NFIA: variants seen among roughly 807,000 people sequenced by gnomAD.
NFIA encodes the protein nuclear factor I A.
Under a neutral mutation model 62.8 loss-of-function variants are expected in NFIA, and 8 were observed. The ratio of observed to expected loss-of-function variants is 0.13; its 90% CI spans 0.07 to 0.23. The LOEUF (loss-of-function observed/expected upper bound fraction) is 0.23. NFIA is among the 10% of genes least tolerant of loss of function. The pLI, the probability that NFIA is intolerant of heterozygous loss-of-function variation, is 1.00. For synonymous variants in NFIA, 235 were observed against 238.1 expected, an observed-to-expected ratio of 0.99 and a Z score of 0.12; for missense variants, 410 against 642.1, an observed-to-expected ratio of 0.64 and a Z score of 3.91.
rs116101889 is a variant in NFIA, at chr1:61,359,565, G to T, written c.946+291G>T. ...CATTTGATTTGCTTTTGGTTTTTTT[G>T]TTTGTTTTGTTTTGTTTGTTTGTTT... On this transcript the variant is annotated intron_variant, in intron 6 of 10. Coordinates refer to ENST00000403491, the MANE Select transcript of NFIA (RefSeq NM_001134673.4). Among the ~76,000 whole-genome samples the T allele has an allele frequency of 8.6e-3, 1,311 of 151,990 alleles. 15 individuals are homozygous for T. The highest frequency in any genetic ancestry group is 0.028 in the African/African-American group (1,149 of 41,390).
chr1:61,185,949 G>A (rs1455348606), intron 2 of NFIA, among the ~76,000 whole-genome samples: 3 of 152,046 alleles, frequency 2.0e-5, no homozygotes, highest in Admixed American at 2.0e-4. Flanking sequence ...TATGATGTCA[G>A]TCCCACAAGG....
chr1:61,442,103 G>A (rs1364199321), intron 10 of NFIA, among the ~76,000 whole-genome samples: 2 of 152,124 alleles, frequency 1.3e-5, no homozygotes, highest in Non-Finnish European at 2.9e-5. Context: ...CTGGCTGCTT[G>A]CTTTGAGTCA....
chr1:61,421,368 C>G (rs925988323), intron 9 of NFIA, among the ~76,000 whole-genome samples: 9 of 152,194 alleles, frequency 5.9e-5, no homozygotes, highest in Admixed American at 3.9e-4. Flanking sequence ...AAAAATGAAT[C>G]TATTAAAATG....
In NFIA at chr1:61,455,858, T is replaced by G. The variant is rs1668281036; in HGVS notation, c.*538T>G. 1 of 154,148 alleles carries G rather than the reference T, an allele frequency of 6.5e-6. No individual in the cohort carries two copies. Among genetic ancestry groups the G allele is most frequent in the African/African-American group, 2.4e-5 (1 of 41,512 alleles). The allele number at this position is 154,148 out of a possible 1,614,324, so 9.5% of individuals were successfully genotyped here. The stretch of plus-strand genomic sequence containing the variant: ...TCTGTAACATATTGGAAAAAGAAAA[T>G]GCAGTTATATTCCTTTTTTATTTGT... On this transcript the variant is annotated 3_prime_UTR_variant, in exon 11 of 11. Transcript: ENST00000403491.
rs116897446 is a variant in NFIA, at chr1:61,422,701, G to A, written c.1421-3764G>A. On this transcript the variant is annotated intron_variant, in intron 9 of 10. Coordinates refer to ENST00000403491, the MANE Select transcript of NFIA (RefSeq NM_001134673.4). ...GCGAGAGGATTGCCTGAGCCCAAGAGTTTGAGACCAGCCTGAGCAACATGG... is the reference window on the plus strand; with the variant it reads ...GCGAGAGGATTGCCTGAGCCCAAGAATTTGAGACCAGCCTGAGCAACATGG... Among the ~76,000 whole-genome samples, 76 of 148,518 alleles carry A rather than the reference G, an allele frequency of 5.1e-4. 2 individuals carry two copies. The East Asian group carries it at 0.013, about 26-fold the overall frequency.
intron 10 of NFIA, among the ~76,000 whole-genome samples, chr1:61,451,186 G>T (rs1301151849): frequency 6.6e-6 from 1 of 152,204 alleles, no homozygotes; most frequent in East Asian, 1.9e-4. Context: ...CATAAAACCT[G>T]ACTACTGTGA....
At chr1:61,123,162 C>T (rs1208476397) in intron 2 of NFIA, among the ~76,000 whole-genome samples, 1 of 152,118 alleles carries the variant, frequency 6.6e-6, no homozygotes, top group African/African-American at 2.4e-5. Context: ...TTTTTCCTCC[C>T]TTAAATCATT....
intron 6 of NFIA, among the ~76,000 whole-genome samples, chr1:61,364,550 G>A (rs1212959711): frequency 6.6e-6 from 1 of 152,144 alleles, no homozygotes; most frequent in African/African-American, 2.4e-5. Flanking sequence ...CAGAACAATT[G>A]CTTAGGCTCA....
chr1:61,432,411 C>T (rs1412083542), intron 10 of NFIA, among the ~76,000 whole-genome samples: 3 of 151,858 alleles, frequency 2.0e-5, no homozygotes, highest in South Asian at 4.2e-4. Flanking sequence ...TCCTCACTTG[C>T]CCACCCAAGC....
intron 2 of NFIA, among the ~76,000 whole-genome samples, chr1:61,093,484 G>C (rs1487761473): frequency 6.6e-6 from 1 of 152,020 alleles, no homozygotes; most frequent in East Asian, 1.9e-4. Context: ...GTAAATTATT[G>C]ATATATGGCA....
At chr1:61,144,034 A>G (rs1647739458) in intron 2 of NFIA, among the ~76,000 whole-genome samples, 1 of 152,246 alleles carries the variant, frequency 6.6e-6, no homozygotes, top group Admixed American at 6.5e-5. Flanking sequence ...AGATTGATTC[A>G]TTCAGCAAAT....
intron 2 of NFIA, among the ~76,000 whole-genome samples, chr1:61,100,247 A>ACTT (rs1646485180): frequency 6.6e-6 from 1 of 152,144 alleles, no homozygotes; most frequent in Non-Finnish European, 1.5e-5. Context: ...GGAGACGGGA[A>ACTT]CTTCTTGTGT....
At chr1:61,096,283 G>A (rs867232716) in intron 2 of NFIA, among the ~76,000 whole-genome samples, 15 of 151,834 alleles carry the variant, frequency 9.9e-5, no homozygotes, top group African/African-American at 2.9e-4. Context: ...GCATGATCTC[G>A]GCTCACCGCA....
intron 2 of NFIA, among the ~76,000 whole-genome samples, chr1:61,099,177 A>G (rs1646467287): frequency 1.3e-5 from 2 of 152,162 alleles, no homozygotes; most frequent in African/African-American, 4.8e-5. Flanking sequence ...AAAGAAAGAC[A>G]TTTTCAGTTT....
chr1:61,376,957 C>A (rs142856117), intron 6 of NFIA, among the ~76,000 whole-genome samples: 1 of 152,054 alleles, frequency 6.6e-6, no homozygotes, highest in Non-Finnish European at 1.5e-5. Context: ...TGGCTTATGC[C>A]TGTAATCCCA....
intron 2 of NFIA, among the ~76,000 whole-genome samples, chr1:61,272,718 T>G (rs1657587490): frequency 6.6e-6 from 1 of 152,206 alleles, no homozygotes; most frequent in South Asian, 2.1e-4. Context: ...ACTCCTTACT[T>G]TCTTTTACCT....
chr1:61,318,661 C>T (rs1660500628), intron 3 of NFIA, among the ~76,000 whole-genome samples: 1 of 152,168 alleles, frequency 6.6e-6, no homozygotes, highest in South Asian at 2.1e-4. Context: ...TGGATTTGGT[C>T]TGTTCTGAAA....
chr1:61,319,688 A>G (rs1660563927), intron 3 of NFIA, among the ~76,000 whole-genome samples: 3 of 152,080 alleles, frequency 2.0e-5, no homozygotes, highest in Non-Finnish European at 4.4e-5. Flanking sequence ...ATTCGAAGAA[A>G]GAGGAGCCTG....
intron 2 of NFIA, among the ~76,000 whole-genome samples, chr1:61,185,513 T>C (rs1651106108): frequency 6.6e-6 from 1 of 152,182 alleles, no homozygotes; most frequent in South Asian, 2.1e-4. Context: ...TTTATATCAC[T>C]CTTCTGCGTA....
Sources: gnomAD v4.1 joint callset for allele counts (sites outside exome capture counted in the v4.1 genomes callset) on GRCh38, gnomAD v4.1.1 for gene constraint, MANE v1.5 for transcripts, NCBI Gene and HGNC (gene_info 2026-07-23, HGNC 2026-07-21) for gene names.